The following FAM107B variants were observed in gnomAD, a reference collection of about 807,000 sequenced individuals.
FAM107B encodes protein FAM107B.
FAM107B carries 21 observed loss-of-function variants against 31.5 expected under a neutral mutation model. The ratio of observed to expected loss-of-function variants is 0.67; its 90% CI spans 0.47 to 0.96. The LOEUF (loss-of-function observed/expected upper bound fraction) is 0.96, where lower values mean the gene tolerates loss of function less well. Ranked by LOEUF, FAM107B falls within the 40% of genes least tolerant of loss-of-function variation. The pLI is 0.00. For missense variants in FAM107B, 452 were observed against 377.1 expected, an observed-to-expected ratio of 1.20 and a Z score of -1.64; for synonymous variants, 157 against 141.5, an observed-to-expected ratio of 1.11 and a Z score of -0.78.
At chr10:14,542,225 G>A (rs10906693) in intron 2 of FAM107B, among the ~76,000 whole-genome samples, 71,342 of 149,132 alleles carry the variant, frequency 0.48, 17,295 homozygotes, top group South Asian at 0.63. Flanking sequence ...AGCCAAGGTC[G>A]CGCCACTTCA....
At chr10:14,599,597 G>C (rs866160029) in intron 2 of FAM107B, among the ~76,000 whole-genome samples, 1 of 152,150 alleles carries the variant, frequency 6.6e-6, no homozygotes, top group African/African-American at 2.4e-5. Flanking sequence ...GAGCCCAGGA[G>C]TTCAAGATCA....
chr10:14,649,316 A>G (rs1181403839), intron 2 of FAM107B, among the ~76,000 whole-genome samples: 1 of 152,240 alleles, frequency 6.6e-6, no homozygotes, highest in East Asian at 1.9e-4. Flanking sequence ...TTGAAATGGC[A>G]CTGCAAAGCT....
At chr10:14,740,984 C>A (rs185755982) in intron 1 of FAM107B, among the ~76,000 whole-genome samples, 1 of 152,084 alleles carries the variant, frequency 6.6e-6, no homozygotes, top group African/African-American at 2.4e-5. Context: ...AGTTTGGCGG[C>A]CAGGAAACGA....
At chr10:14,664,669 C>T (rs936472224) in intron 2 of FAM107B, among the ~76,000 whole-genome samples, 2 of 152,198 alleles carry the variant, frequency 1.3e-5, no homozygotes, top group Non-Finnish European at 2.9e-5. Flanking sequence ...GATGTTCACA[C>T]AATGACAAAA....
At chr10:14,722,208 C>T (rs1855928186) in intron 1 of FAM107B, among the ~76,000 whole-genome samples, 1 of 152,198 alleles carries the variant, frequency 6.6e-6, no homozygotes, top group Admixed American at 6.5e-5. Context: ...CTTCCTCCCA[C>T]ACAATCCCTA....
At position 14,617,826 on chromosome 10, in the gene FAM107B, G is replaced by A. The variant is rs151095273; in HGVS notation, c.469+49808C>T. On this transcript the variant is annotated intron_variant, in intron 2 of 4. Transcript: ENST00000181796. ...TTTGGTGCCTAATTACCATGGTGGC[G>A]CATGCCTGTTTTCCCAGCTACTTGG... is the stretch of plus-strand genomic sequence containing the variant. 2.1e-3 allele frequency among the ~76,000 whole-genome samples: 322 copies of A among 151,866 alleles called. 5 individuals carry two copies. The highest frequency in any genetic ancestry group is 0.017 in the Middle Eastern group (5 of 290).
intron 1 of FAM107B, among the ~76,000 whole-genome samples, chr10:14,738,518 AC>A (rs1278656932): frequency 6.6e-6 from 1 of 152,170 alleles, no homozygotes; most frequent in Non-Finnish European, 1.5e-5. Context: ...GTCTCTCAGG[AC>A]CCTTTCAACT....
rs151018515 is a variant in FAM107B at position 14,542,884 on chromosome 10, G to C, written c.470-12369C>G. On this transcript the variant is annotated intron_variant, in intron 2 of 4. Coordinates refer to ENST00000181796, the MANE Select transcript of FAM107B (RefSeq NM_031453.4). Reference sequence around the variant, plus strand: ...TTAGACTTTTGTCTGGTGAGAAATAGATATATTAGTACACTGGCTTGCATA... The same window carrying C: ...TTAGACTTTTGTCTGGTGAGAAATACATATATTAGTACACTGGCTTGCATA... Among the ~76,000 whole-genome samples the C allele has an allele frequency of 1.4e-3, 218 of 152,332 alleles. 1 individual carries two copies. The highest frequency in any genetic ancestry group is 5.0e-3 in the African/African-American group (209 of 41,576).
intron 2 of FAM107B, among the ~76,000 whole-genome samples, chr10:14,586,375 A>T (rs1851837663): frequency 6.6e-6 from 1 of 152,210 alleles, no homozygotes; most frequent in Admixed American, 6.5e-5. Context: ...ATAGACTTGA[A>T]GCCTCTGCTC....
At chr10:14,533,906 C>T (rs1342078888) in intron 2 of FAM107B, among the ~76,000 whole-genome samples, 4 of 152,110 alleles carry the variant, frequency 2.6e-5, no homozygotes, top group Non-Finnish European at 4.4e-5. Flanking sequence ...TAGAGAGACA[C>T]GGGCACTGCG....
intron 2 of FAM107B, among the ~76,000 whole-genome samples, chr10:14,629,676 C>T (rs1045525443): frequency 2.0e-5 from 3 of 149,566 alleles, no homozygotes; most frequent in Non-Finnish European, 4.4e-5. Flanking sequence ...CCACGCCCGG[C>T]TAATTTTTTT....
chr10:14,629,323 AAAT>A (rs1853264117), intron 2 of FAM107B, among the ~76,000 whole-genome samples: 1 of 122,042 alleles, frequency 8.2e-6, no homozygotes, highest in Non-Finnish European at 1.6e-5. Flanking sequence ...TATAATATAT[AAAT>A]TATATAAATA....
intron 2 of FAM107B, among the ~76,000 whole-genome samples, chr10:14,640,158 C>G (rs1853594449): frequency 6.6e-6 from 1 of 152,198 alleles, no homozygotes; most frequent in Non-Finnish European, 1.5e-5. Flanking sequence ...TTAACCCTCA[C>G]AACCAGCCTT....
At chr10:14,606,758 G>A (rs1339350979) in intron 2 of FAM107B, among the ~76,000 whole-genome samples, 3 of 151,940 alleles carry the variant, frequency 2.0e-5, no homozygotes, top group Non-Finnish European at 4.4e-5. Flanking sequence ...CAAACACAGA[G>A]AAGAGGCCAC....
At chr10:14,715,008 G>T (rs1855749566) in intron 1 of FAM107B, among the ~76,000 whole-genome samples, 1 of 152,138 alleles carries the variant, frequency 6.6e-6, no homozygotes, top group Non-Finnish European at 1.5e-5. Flanking sequence ...GTCCGCCCAT[G>T]GTCCTGTAGT....
intron 1 of FAM107B, among the ~76,000 whole-genome samples, chr10:14,712,626 A>AAAAAAAAAG (rs1554851690): frequency 0.042 from 6,090 of 145,922 alleles, 202 homozygotes; most frequent in Non-Finnish European, 0.064. Context: ...AACAAAAAAA[A>AAAAAAAAAG]AAGAAGAAGA....
chr10:14,586,628 G>A (rs2131325319), intron 2 of FAM107B, among the ~76,000 whole-genome samples: 1 of 152,260 alleles, frequency 6.6e-6, no homozygotes, highest in African/African-American at 2.4e-5. Context: ...AACACGAAGG[G>A]AGCCCTCACC....
intron 2 of FAM107B, among the ~76,000 whole-genome samples, chr10:14,655,688 G>A (rs901513207): frequency 5.9e-5 from 9 of 152,236 alleles, no homozygotes; most frequent in African/African-American, 2.2e-4. Flanking sequence ...TATGTGAAGG[G>A]AACAGGAGGA....
At chr10:14,643,262 A>G (rs1490093594) in intron 2 of FAM107B, among the ~76,000 whole-genome samples, 1 of 152,056 alleles carries the variant, frequency 6.6e-6, no homozygotes, top group Admixed American at 6.6e-5. Context: ...CAGGCTTAAA[A>G]CCCAAGAAGA....
Sources: gnomAD v4.1 joint callset for allele counts (sites outside exome capture counted in the v4.1 genomes callset) on GRCh38, gnomAD v4.1.1 for gene constraint, MANE v1.5 for transcripts, NCBI Gene and HGNC (gene_info 2026-07-23, HGNC 2026-07-21) for gene names.